Variants in ZCCHC7 observed in about 807,000 individuals in gnomAD.
ZCCHC7 encodes zinc finger CCHC domain-containing protein 7.
ZCCHC7 carries 35 observed loss-of-function variants against 52.0 expected under a neutral mutation model. The ratio of observed to expected loss-of-function variants is 0.67; its 90% confidence interval spans 0.51 to 0.89. ZCCHC7 has a LOEUF of 0.89. Among genes scored for constraint, ZCCHC7 ranks in the 40% least tolerant of loss-of-function variants. The probability of loss-of-function intolerance (pLI) is 0.00; values close to 1 mark genes in which losing one functional copy is unlikely to be tolerated. For missense variants in ZCCHC7, 574 were observed against 649.1 expected (o/e 0.88, Z 1.26); for synonymous variants, 217 against 221.5 (o/e 0.98, Z 0.18).
intron 2 of ZCCHC7, among the ~76,000 whole-genome samples, chr9:37,150,988 G>A (rs10973232): frequency 0.14 from 20,588 of 142,704 alleles, 1,670 homozygotes; most frequent in Non-Finnish European, 0.17. Flanking sequence ...TTTTTGAGAC[G>A]GAGTCTTGCT....
chr9:37,194,544 G>A (rs1823186831), intron 2 of ZCCHC7, among the ~76,000 whole-genome samples: 1 of 152,186 alleles, frequency 6.6e-6, no homozygotes, highest in Non-Finnish European at 1.5e-5. Flanking sequence ...GGCACTGGGA[G>A]GATTGGGATA....
At chr9:37,263,410 C>T (rs1050616904) in intron 2 of ZCCHC7, among the ~76,000 whole-genome samples, 1 of 151,398 alleles carries the variant, frequency 6.6e-6, no homozygotes, top group Non-Finnish European at 1.5e-5. Flanking sequence ...TATCGTATTT[C>T]CCATTTATAT....
intron 2 of ZCCHC7, among the ~76,000 whole-genome samples, chr9:37,171,767 G>C (rs1259114467): frequency 6.6e-6 from 1 of 152,168 alleles, no homozygotes; most frequent in Non-Finnish European, 1.5e-5. Flanking sequence ...AGAGGACCTT[G>C]AGTTCTACAA....
At chr9:37,217,048 C>T (rs970764740) in intron 2 of ZCCHC7, among the ~76,000 whole-genome samples, 1 of 151,934 alleles carries the variant, frequency 6.6e-6, no homozygotes, top group African/African-American at 2.4e-5. Context: ...TACAAGGCTC[C>T]CTTTATTCTT....
intron 6 of ZCCHC7, among the ~76,000 whole-genome samples, chr9:37,337,833 G>A (rs567654521): frequency 9.2e-5 from 14 of 152,194 alleles, no homozygotes; most frequent in African/African-American, 1.7e-4. Context: ...AAATTTGTGC[G>A]TTTGTGTCAC....
Position 37,238,408 on chromosome 9 carries a change from T to G in ZCCHC7, c.611-63780T>G, listed in dbSNP as rs565060800. On this transcript the variant is annotated intron_variant, in intron 2 of 8. Transcript: ENST00000336755. ...ATGATATGTAATAGTTTGTACTGTT[T>G]TGCTAAGTGATTTTTCTTCCTTTAA... Among the ~76,000 whole-genome samples the G allele has an allele frequency of 2.6e-4, 40 of 152,298 alleles. 1 individual carries two copies. Among genetic ancestry groups the G allele is most frequent in the Non-Finnish European group, 3.7e-4 (25 of 68,012 alleles).
intron 2 of ZCCHC7, among the ~76,000 whole-genome samples, chr9:37,256,785 CT>C (rs1462635756): frequency 6.6e-6 from 1 of 152,094 alleles, no homozygotes; most frequent in East Asian, 1.9e-4. Flanking sequence ...TTGTAACTAA[CT>C]TTTAGGAAAC....
At chr9:37,173,948 G>C (rs768877212) in intron 2 of ZCCHC7, among the ~76,000 whole-genome samples, 2 of 152,082 alleles carry the variant, frequency 1.3e-5, no homozygotes, top group Non-Finnish European at 2.9e-5. Flanking sequence ...TGTGAAAGCC[G>C]TAACATCTCT....
At chr9:37,289,687 T>C (rs1828438469) in intron 2 of ZCCHC7, among the ~76,000 whole-genome samples, 1 of 152,238 alleles carries the variant, frequency 6.6e-6, no homozygotes, top group Admixed American at 6.5e-5. Context: ...CAAATCATAT[T>C]ACTCTTACGA....
chr9:37,158,066 G>A (rs1306637035), intron 2 of ZCCHC7, among the ~76,000 whole-genome samples: 2 of 152,194 alleles, frequency 1.3e-5, no homozygotes, highest in Non-Finnish European at 2.9e-5. Context: ...AAGTGAATGG[G>A]TGAACTTGAG....
intron 2 of ZCCHC7, among the ~76,000 whole-genome samples, chr9:37,237,663 A>T (rs185221385): frequency 6.6e-6 from 1 of 152,322 alleles, no homozygotes; most frequent in East Asian, 1.9e-4. Flanking sequence ...AATGGCACAA[A>T]ATAAGGCATA....
At position 37,126,354 on chromosome 9, in the gene ZCCHC7, A is replaced by G; in HGVS notation, c.22A>G (p.Thr8Ala). The change falls in exon 2 of 9, where the codon ACT becomes GCT. Residue 8 changes from threonine (T) to alanine (A), a missense_variant. Around this residue, in one of 3 missense-constraint regions of ZCCHC7, gnomAD observed 403 missense variants for 461.2 expected, o/e 0.87. Coordinates refer to ENST00000336755, the MANE Select transcript of ZCCHC7 (RefSeq NM_032226.3). MMFGGYE[T>A]IEAYEDDLYR... ...TTTTATGATGTTTGGTGGCTATGAG[A>G]CTATAGAAGCATACGAAGATGATCT... is the stretch of plus-strand genomic sequence containing the variant. The G allele has an allele frequency of 6.2e-7, 1 of 1,613,394 alleles. No homozygotes were observed. Among genetic ancestry groups the G allele is most frequent in the Non-Finnish European group, 8.5e-7 (1 of 1,179,678 alleles).
At chr9:37,232,622 C>A (rs1326916937) in intron 2 of ZCCHC7, among the ~76,000 whole-genome samples, 1 of 152,160 alleles carries the variant, frequency 6.6e-6, no homozygotes, top group Non-Finnish European at 1.5e-5. Context: ...GGAAAAAAAT[C>A]ATGACATGAA....
intron 2 of ZCCHC7, among the ~76,000 whole-genome samples, chr9:37,284,765 T>C (rs12552918): frequency 1.6e-3 from 243 of 152,326 alleles, no homozygotes; most frequent in South Asian, 7.7e-3. Context: ...TCAGGACTTG[T>C]GAGCCTTGTT....
At chr9:37,209,578 A>T (rs1001469736) in intron 2 of ZCCHC7, among the ~76,000 whole-genome samples, 9 of 152,096 alleles carry the variant, frequency 5.9e-5, no homozygotes, top group Non-Finnish European at 1.3e-4. Context: ...GTATGTATAC[A>T]CATGTGTGTA....
intron 2 of ZCCHC7, among the ~76,000 whole-genome samples, chr9:37,294,925 C>A (rs540663318): frequency 6.6e-6 from 1 of 152,032 alleles, no homozygotes; most frequent in Non-Finnish European, 1.5e-5. Context: ...CAGACTATGA[C>A]TGAAGGAGAA....
chr9:37,143,512 T>C (rs1416439121), intron 2 of ZCCHC7, among the ~76,000 whole-genome samples: 1 of 151,444 alleles, frequency 6.6e-6, no homozygotes, highest in African/African-American at 2.4e-5. Context: ...TCGTAGTTCC[T>C]GAAAAATAAT....
At chr9:37,316,121 G>A (rs893899840) in intron 5 of ZCCHC7, among the ~76,000 whole-genome samples, 4 of 151,790 alleles carry the variant, frequency 2.6e-5, no homozygotes, top group Non-Finnish European at 4.4e-5. Flanking sequence ...GTGCAGTGGC[G>A]CAATCTTGGC....
At chr9:37,335,036 G>T (rs1830591109) in intron 6 of ZCCHC7, among the ~76,000 whole-genome samples, 1 of 151,404 alleles carries the variant, frequency 6.6e-6, no homozygotes, top group South Asian at 2.1e-4. Flanking sequence ...GAATCCATTG[G>T]GTAAATTATA....
Sources: gnomAD v4.1 joint callset for allele counts (sites outside exome capture counted in the v4.1 genomes callset) on GRCh38, gnomAD v4.1.1 for gene constraint, gnomAD v4.1.1 regional missense constraint, MANE v1.5 for transcripts, NCBI Gene and HGNC (gene_info 2026-07-23, HGNC 2026-07-21) for gene names.